Variants in LITAF observed in about 807,000 individuals in gnomAD.
LITAF encodes the protein lipopolysaccharide-induced tumor necrosis factor-alpha factor.
A neutral mutation model predicts 14.5 loss-of-function variants in LITAF; 9 were observed. The ratio of observed to expected loss-of-function variants is 0.62; its 90% CI spans 0.37 to 1.08. The LOEUF (loss-of-function observed/expected upper bound fraction) is 1.08, where lower values mean the gene tolerates loss of function less well. Ranked by LOEUF, LITAF falls within the 50% of genes least tolerant of loss-of-function variation. The pLI is 0.01. For synonymous variants in LITAF, 98 were observed against 88.2 expected, an observed-to-expected ratio of 1.11 and a Z score of -0.62; for missense variants, 206 against 213.4, an observed-to-expected ratio of 0.97 and a Z score of 0.22.
chr16:11,567,002 A>G (rs1439453122), intron 1 of LITAF, among the ~76,000 whole-genome samples: 1 of 152,220 alleles, frequency 6.6e-6, no homozygotes, highest in Non-Finnish European at 1.5e-5. Flanking sequence ...TATGCTCAAG[A>G]ACTGGAATCC....
At chr16:11,599,313 T>G (rs1393821153), upstream of LITAF, among the ~76,000 whole-genome samples, 1 of 152,124 alleles carries the variant, frequency 6.6e-6, no homozygotes, top group African/African-American at 2.4e-5. Flanking sequence ...AGACGGGGTT[T>G]CACCATGTTG....
chr16:11,622,476 G>A (rs1249318197), intron 3 of LITAF, among the ~76,000 whole-genome samples: 2 of 152,174 alleles, frequency 1.3e-5, no homozygotes, highest in African/African-American at 2.4e-5. Flanking sequence ...CTTGCAGACC[G>A]CACACTTGTG....
upstream of LITAF, among the ~76,000 whole-genome samples, chr16:11,637,897 AC>A (rs1567270777): frequency 1.8e-4 from 7 of 39,890 alleles, no homozygotes; most frequent in African/African-American, 8.5e-4. Context: ...AAAAAAAAAA[AC>A]TATATATATA....
At chr16:11,562,056 C>T (rs2064375429) in intron 1 of LITAF, among the ~76,000 whole-genome samples, 1 of 151,880 alleles carries the variant, frequency 6.6e-6, no homozygotes, top group African/African-American at 2.4e-5. Flanking sequence ...GTAGGTGGGA[C>T]TACAGGTGTG....
At chr16:11,619,031 C>G (rs1366991501) in intron 3 of LITAF, among the ~76,000 whole-genome samples, 1 of 149,832 alleles carries the variant, frequency 6.7e-6, no homozygotes, top group Non-Finnish European at 1.5e-5. Context: ...CCAGCACTGC[C>G]CGGGCACGGT....
chr16:11,606,063 G>A (rs922304982), intron 3 of LITAF, among the ~76,000 whole-genome samples: 1 of 151,932 alleles, frequency 6.6e-6, no homozygotes, highest in Non-Finnish European at 1.5e-5. Context: ...ACACAGAACA[G>A]GCATGATAGG....
chr16:11,553,490 A>G lies in LITAF; in HGVS notation c.377+43T>C. 1 of 1,609,888 alleles carries G rather than the reference A, an allele frequency of 6.2e-7. No individual in the cohort carries two copies. The highest frequency in any genetic ancestry group is 8.5e-7 in the Non-Finnish European group (1 of 1,177,556). On this transcript the variant is annotated intron_variant, in intron 3 of 3. Transcript: ENST00000622633. The surrounding 1 kb of genome is among the most constrained non-coding windows in gnomAD (Gnocchi z 7.7). ...AACCCACCCCCGCCAGCACCCAGAG[A>G]GAAGGGCAGGATGGCTTGGGGCCAA...
chr16:11,550,800 A>G (rs966413278), intron 3 of LITAF, among the ~76,000 whole-genome samples: 1 of 152,112 alleles, frequency 6.6e-6, no homozygotes. Flanking sequence ...ACCCGGCCAC[A>G]TACTTTCATC....
chr16:11,568,584 C>T (rs889424349), intron 1 of LITAF, among the ~76,000 whole-genome samples: 1 of 151,908 alleles, frequency 6.6e-6, no homozygotes, highest in African/African-American at 2.4e-5. Flanking sequence ...TTCCAGCCAA[C>T]AGGTGTGGAG....
intron 3 of LITAF, among the ~76,000 whole-genome samples, chr16:11,631,610 G>T (rs934456351): frequency 1.2e-4 from 19 of 152,144 alleles, no homozygotes; most frequent in Admixed American, 9.2e-4. Context: ...GTCTGGTCGC[G>T]AATTCCTGGG....
At chr16:11,596,205 G>A (rs924601484) in intron 1 of LITAF, among the ~76,000 whole-genome samples, 4 of 152,088 alleles carry the variant, frequency 2.6e-5, no homozygotes, top group African/African-American at 9.7e-5. Context: ...AGGAGAAGCA[G>A]CCCAGCCGGA....
intron 3 of LITAF, among the ~76,000 whole-genome samples, chr16:11,620,224 G>C (rs2065041750): frequency 6.6e-6 from 1 of 152,026 alleles, no homozygotes; most frequent in South Asian, 2.1e-4. Flanking sequence ...CACAATGTTG[G>C]AGGTGGGGCC....
chr16:11,595,779 C>A (rs2064880946), intron 1 of LITAF, among the ~76,000 whole-genome samples: 1 of 152,116 alleles, frequency 6.6e-6, no homozygotes, highest in Admixed American at 6.6e-5. Context: ...ATGCAGAATG[C>A]CCAGTTAATC....
At chr16:11,597,804 G>A (rs972629794) in intron 1 of LITAF, among the ~76,000 whole-genome samples, 3 of 152,152 alleles carry the variant, frequency 2.0e-5, no homozygotes, top group Admixed American at 6.5e-5. Flanking sequence ...TGTTTTCCCC[G>A]CTCCAGCCCC....
At position 11,549,215 on chromosome 16, in the gene LITAF, C is replaced by A. The variant is rs1225785716; in HGVS notation, c.*422G>T. The A allele has an allele frequency of 2.2e-6, 1 of 450,356 alleles. No homozygotes were observed. The highest frequency in any genetic ancestry group is 2.4e-5 in the Admixed American group (1 of 42,034). The allele number at this position is 450,356 out of a possible 1,614,324, so 27.9% of individuals were successfully genotyped here. A position where few individuals can be genotyped will look rare whatever the true frequency, so the allele number is the denominator to read the frequency against. Reference sequence around the variant, plus strand: ...GGTAGGCACTAAAGGCTGGTTCAGCCGAGCTCTGGGCAGAACAGCCTCAAA... The same window carrying A: ...GGTAGGCACTAAAGGCTGGTTCAGCAGAGCTCTGGGCAGAACAGCCTCAAA... On this transcript the variant is annotated 3_prime_UTR_variant, in exon 4 of 4. Transcript: ENST00000622633. The surrounding 1 kb of genome is among the most constrained non-coding windows in gnomAD (Gnocchi z 4.6).
At chr16:11,569,370 A>T (rs1161491821) in intron 1 of LITAF, among the ~76,000 whole-genome samples, 1 of 152,016 alleles carries the variant, frequency 6.6e-6, no homozygotes, top group East Asian at 1.9e-4. Flanking sequence ...CCTCCCAAGT[A>T]CCTGGGATTA....
rs1189402400 is a variant in LITAF at position 11,632,589 on chromosome 16, G to A, written c.85+944C>T. Among the ~76,000 whole-genome samples, 1 of 152,230 alleles carries A rather than the reference G, an allele frequency of 6.6e-6. No individual in the cohort carries two copies. Among genetic ancestry groups the A allele is most frequent in the Non-Finnish European group, 1.5e-5 (1 of 68,026 alleles). ...GTGGGCTCTTTGGCCTGCGCTCCCTGGCACGTGGGATCCCTTGGCCCCATC... is the reference window on the plus strand; with the variant it reads ...GTGGGCTCTTTGGCCTGCGCTCCCTAGCACGTGGGATCCCTTGGCCCCATC... On this transcript the variant is annotated intron_variant, in intron 3 of 3. Coordinates refer to the LITAF transcript ENST00000574848. This position sits in a 1 kb window ranked among gnomAD's most constrained non-coding sequence, Gnocchi z 4.8.
Position 11,585,967 on chromosome 16 carries a change from T to TA in LITAF, c.-6+918dup, listed in dbSNP as rs143279696. Among the ~76,000 whole-genome samples the TA allele has an allele frequency of 3.6e-4, 54 of 152,068 alleles. 1 individual carries two copies. In the East Asian group the frequency reaches 9.8e-3, roughly 28 times the overall value. On this transcript the variant is annotated intron_variant, in intron 1 of 3. Coordinates refer to ENST00000622633, the MANE Select transcript of LITAF (RefSeq NM_001136472.2). ...AAGCATGACTGGCCCTTCCAGAACA[T>TA]ACACCTTTCCCCTATCACCTCCTCT...
At chr16:11,630,760 T>C (rs2065113645) in intron 3 of LITAF, among the ~76,000 whole-genome samples, 1 of 151,814 alleles carries the variant, frequency 6.6e-6, no homozygotes, top group Non-Finnish European at 1.5e-5. Context: ...TTTATTTTAT[T>C]TTTTTTCTAG....
Sources: allele counts gnomAD v4.1 joint callset (sites outside exome capture counted in the v4.1 genomes callset), GRCh38; gene constraint gnomAD v4.1.1; non-coding constraint Gnocchi (gnomAD v3.1); transcripts MANE v1.5; gene names NCBI Gene and HGNC (gene_info 2026-07-23, HGNC 2026-07-21).